CCDC39: variants seen among roughly 807,000 people sequenced by gnomAD.
CCDC39 encodes the protein coiled-coil domain 39 molecular ruler complex subunit, also known as coiled-coil domain-containing protein 39.
Under a neutral mutation model 121.0 loss-of-function variants are expected in CCDC39, and 113 were observed. The observed-to-expected ratio is 0.93, with a 90% CI of 0.80 to 1.09. The LOEUF (loss-of-function observed/expected upper bound fraction) is 1.09, where lower values mean the gene tolerates loss of function less well. Among genes scored for constraint, CCDC39 ranks in the 50% least tolerant of loss-of-function variants. The probability of loss-of-function intolerance (pLI) is 0.00; values close to 1 mark genes in which losing one functional copy is unlikely to be tolerated. For missense variants in CCDC39, 1,063 were observed against 1,074.7 expected (o/e 0.99, Z 0.15); for synonymous variants, 349 against 352.2 (o/e 0.99, Z 0.10).
At chr3:180,635,199 G>A (rs1397557928) in intron 13 of CCDC39, among the ~76,000 whole-genome samples, 1 of 152,040 alleles carries the variant, frequency 6.6e-6, no homozygotes, top group Non-Finnish European at 1.5e-5. Context: ...ACAGCATTGG[G>A]GAAACCACCA....
At chr3:180,639,874 G>A (rs1717915300) in intron 13 of CCDC39, among the ~76,000 whole-genome samples, 1 of 152,086 alleles carries the variant, frequency 6.6e-6, no homozygotes, top group Admixed American at 6.6e-5. Context: ...GAAAAAGTGT[G>A]TCAACCCCTG....
chr3:180,647,299 A>G (rs1718094147), intron 10 of CCDC39, 56 bp from the exon 11 acceptor site: 1 of 1,437,782 alleles, frequency 7.0e-7, no homozygotes, highest in African/African-American at 1.4e-5. Flanking sequence ...CATTTCTACA[A>G]GTGTAAAAAC....
intron 7 of CCDC39, among the ~76,000 whole-genome samples, chr3:180,652,552 C>A (rs1001211421): frequency 6.6e-6 from 1 of 152,102 alleles, no homozygotes; most frequent in African/African-American, 2.4e-5. Context: ...AAGAGCACAT[C>A]CCCAAAGTCC....
intron 17 of CCDC39, 62 bp from the exon 18 acceptor site, chr3:180,616,757 T>C: frequency 2.5e-6 from 4 of 1,577,828 alleles, no homozygotes; most frequent in Non-Finnish European, 2.6e-6. Context: ...ATATTTTTAA[T>C]AGATGAAGGA....
At chr3:180,649,826 A>G (rs1718155074) in intron 9 of CCDC39, among the ~76,000 whole-genome samples, 1 of 152,238 alleles carries the variant, frequency 6.6e-6, no homozygotes, top group Non-Finnish European at 1.5e-5. Context: ...TATTTCATAT[A>G]AATTTCACAG....
intron 4 of CCDC39, 143 bp from the exon 5 acceptor site, chr3:180,659,912 T>C: frequency 1.9e-6 from 1 of 521,380 alleles, no homozygotes; most frequent in Non-Finnish European, 3.1e-6. Flanking sequence ...ATATCTTTCT[T>C]ATCTTTTAAC....
intron 6 of CCDC39, among the ~76,000 whole-genome samples, chr3:180,657,708 T>A (rs569712293): frequency 6.6e-6 from 1 of 152,290 alleles, no homozygotes; most frequent in South Asian, 2.1e-4. Flanking sequence ...TGATGTTATT[T>A]CAATGTAAAT....
intron 13 of CCDC39, among the ~76,000 whole-genome samples, chr3:180,639,415 G>T (rs1717903204): frequency 6.6e-6 from 1 of 151,990 alleles, no homozygotes; most frequent in South Asian, 2.1e-4. Flanking sequence ...AGAAAATGTG[G>T]TATATATACA....
intron 1 of CCDC39, among the ~76,000 whole-genome samples, chr3:180,667,600 C>A (rs1272785643): frequency 3.3e-5 from 5 of 152,036 alleles, no homozygotes; most frequent in South Asian, 2.1e-4. Context: ...TGAACTTAAT[C>A]AAAAAATGTT....
At chr3:180,633,622 G>A (rs1214948906) in intron 13 of CCDC39, among the ~76,000 whole-genome samples, 4 of 151,924 alleles carry the variant, frequency 2.6e-5, no homozygotes, top group Admixed American at 2.6e-4. Context: ...TAAAATACAA[G>A]TAGAAAAAAG....
intron 14 of CCDC39, 93 bp downstream of exon 14, chr3:180,631,373 ATAT>A: frequency 8.5e-7 from 1 of 1,171,228 alleles, no homozygotes; most frequent in Middle Eastern, 2.3e-4. Flanking sequence ...GAAAGTTGCA[ATAT>A]TGTTGTTTTT....
intron 2 of CCDC39, among the ~76,000 whole-genome samples, chr3:180,663,357 G>A (rs994826845): frequency 6.6e-6 from 1 of 152,126 alleles, no homozygotes; most frequent in African/African-American, 2.4e-5. Context: ...GTCTAATACA[G>A]ATTGTTTGAA....
intron 11 of CCDC39, among the ~76,000 whole-genome samples, chr3:180,645,949 CAA>C (rs1221115381): frequency 6.6e-6 from 1 of 152,082 alleles, no homozygotes; most frequent in African/African-American, 2.4e-5. Flanking sequence ...GGGCAAGAAA[CAA>C]AGTCATACCT....
chr3:180,678,949 CTTTAA>C (rs1383082366), intron 1 of CCDC39, among the ~76,000 whole-genome samples: 1 of 152,092 alleles, frequency 6.6e-6, no homozygotes, highest in African/African-American at 2.4e-5. Context: ...CCAAGTAGCT[CTTTAA>C]TTTTTGAGCA....
At chr3:180,656,197 T>C (rs1711571926) in intron 6 of CCDC39, among the ~76,000 whole-genome samples, 1 of 152,240 alleles carries the variant, frequency 6.6e-6, no homozygotes, top group Non-Finnish European at 1.5e-5. Context: ...TATTTCAGAA[T>C]ATGAATCCAG....
At chr3:180,631,684 G>C (rs900386388) in intron 13 of CCDC39, 92 bp from the exon 14 acceptor site, 1 of 1,051,988 alleles carries the variant, frequency 9.5e-7, no homozygotes, top group Non-Finnish European at 1.4e-6. Context: ...ATTTGGATTT[G>C]TGTTACTACT....
At chr3:180,652,709 T>C (rs986819214) in intron 7 of CCDC39, among the ~76,000 whole-genome samples, 1 of 152,136 alleles carries the variant, frequency 6.6e-6, no homozygotes, top group Non-Finnish European at 1.5e-5. Flanking sequence ...ATCAAAATTA[T>C]TTAAACAGAA....
intron 1 of CCDC39, among the ~76,000 whole-genome samples, chr3:180,670,310 G>A (rs1040479598): frequency 4.7e-5 from 7 of 149,734 alleles, no homozygotes; most frequent in African/African-American, 1.5e-4. Flanking sequence ...GTGTATGGAA[G>A]GGGTGTGTGT....
chr3:180,660,823 A>G, intron 3 of CCDC39, 95 bp from the exon 4 acceptor site: 1 of 1,094,682 alleles, frequency 9.1e-7, no homozygotes, highest in Non-Finnish European at 1.3e-6. Context: ...TATGGAGCAA[A>G]ATTAAAAATG....
Sources: gnomAD v4.1 joint callset for allele counts (sites outside exome capture counted in the v4.1 genomes callset) on GRCh38, gnomAD v4.1.1 for gene constraint, MANE v1.5 for transcripts, NCBI Gene and HGNC (gene_info 2026-07-23, HGNC 2026-07-21) for gene names.